The following SSR2 variants were observed in gnomAD, a reference collection of about 807,000 sequenced individuals.
SSR2 encodes the protein translocon-associated protein subunit beta.
A neutral mutation model predicts 22.6 loss-of-function variants in SSR2; 16 were observed. That is an observed-to-expected ratio of 0.71 (90% confidence interval 0.48 to 1.08). The LOEUF (loss-of-function observed/expected upper bound fraction) is 1.08. Among genes scored for constraint, SSR2 ranks in the 50% least tolerant of loss-of-function variants. SSR2 has a pLI of 0.00. For synonymous variants in SSR2, 83 were observed against 91.2 expected (o/e 0.91, Z 0.51); for missense variants, 171 against 221.6 (o/e 0.77, Z 1.45).
intron 1 of SSR2, 66 bp downstream of exon 1, chr1:156,020,822 C>T (rs1315278335): frequency 2.2e-6 from 1 of 456,740 alleles, no homozygotes; most frequent in Non-Finnish European, 4.6e-6. Context: ...CCCCCAGCCA[C>T]GGGGTGATGC....
intron 4 of SSR2, chr1:156,012,430 C>T: frequency 2.3e-6 from 1 of 427,210 alleles, no homozygotes; most frequent in Non-Finnish European, 4.7e-6. Flanking sequence ...GTCCACATTC[C>T]TTTGTCTTGG....
intron 1 of SSR2, 153 bp from the exon 2 acceptor site, chr1:156,020,320 T>A: frequency 1.5e-6 from 1 of 681,352 alleles, no homozygotes; most frequent in Non-Finnish European, 2.4e-6. Context: ...GCAGACCCGT[T>A]CTCCAGACTC....
intron 4 of SSR2, chr1:156,013,908 G>A (rs1175662709): frequency 6.6e-6 from 1 of 152,296 alleles, no homozygotes; most frequent in African/African-American, 2.4e-5. Flanking sequence ...GAAGGCAGAA[G>A]GAATGAAGAG....
intron 2 of SSR2, 85 bp downstream of exon 2, chr1:156,019,928 T>C (rs1054404632): frequency 6.8e-7 from 1 of 1,470,758 alleles, no homozygotes; most frequent in Non-Finnish European, 9.2e-7. Context: ...GAGAAACCAC[T>C]ACCCACCAAT....
intron 4 of SSR2, 66 bp downstream of exon 4, chr1:156,014,895 C>G: frequency 7.6e-7 from 1 of 1,313,756 alleles, no homozygotes; most frequent in Non-Finnish European, 1.1e-6. Context: ...CTCTTACCCC[C>G]ACCACAAGAG....
At chr1:156,015,505 C>CAAAAAAAAAAA (rs1169214264) in intron 3 of SSR2, among the ~76,000 whole-genome samples, 2 of 41,032 alleles carry the variant, frequency 4.9e-5, no homozygotes, top group Admixed American at 5.0e-4. Context: ...GACTCCGCCT[C>CAAAAAAAAAAA]AAAAAAAAAA....
chr1:156,018,406 T>G (rs755173327), intron 2 of SSR2, 38 bp from the exon 3 acceptor site: 2 of 1,561,466 alleles, frequency 1.3e-6, no homozygotes, highest in South Asian at 2.2e-5. Context: ...TAGTAAGTAA[T>G]GGATATAAAA....
rs554525786 is a variant in SSR2 at position 156,009,224 on chromosome 1, G to T, written c.*316C>A. On this transcript the variant is annotated 3_prime_UTR_variant, in exon 6 of 6. Coordinates refer to ENST00000295702, the MANE Select transcript of SSR2 (RefSeq NM_003145.4). ...GGCAGTCTCCAAAATGCCCCTCCTA[G>T]ACCCCTGAGAGAATTCACGTTGCCA... is the stretch of plus-strand genomic sequence containing the variant. 1.1e-5 allele frequency: 3 copies of T among 281,754 alleles called. No individual in the cohort carries two copies. The South Asian group carries it at 1.2e-4, about 11-fold the overall frequency. The allele number at this position is 281,754 out of a possible 1,614,324, so 17.5% of individuals were successfully genotyped here. A position where few individuals can be genotyped will look rare whatever the true frequency, so the allele number is the denominator to read the frequency against.
At chr1:156,020,291 T>C (rs762288878) in intron 1 of SSR2, 124 bp from the exon 2 acceptor site, 3 of 1,023,124 alleles carry the variant, frequency 2.9e-6, no homozygotes. Flanking sequence ...TTCCACAGAG[T>C]AGTCCATAAG....
In SSR2 at chr1:156,014,946, G is replaced by T; in HGVS notation, c.363+15C>A. 1 of 1,602,760 alleles carries T rather than the reference G, an allele frequency of 6.2e-7. No homozygotes were observed. The highest frequency in any genetic ancestry group is 8.5e-7 in the Non-Finnish European group (1 of 1,170,248). ...AGATCCAAATTCCATCCAGCTAAGG[G>T]TTTGGGCAACTCACCACAACGGGCC... On this transcript the variant is annotated intron_variant, in intron 4 of 5. Coordinates refer to ENST00000295702, the MANE Select transcript of SSR2 (RefSeq NM_003145.4).
At chr1:156,012,360 T>A in intron 4 of SSR2, 1 of 319,826 alleles carries the variant, frequency 3.1e-6, no homozygotes, top group African/African-American at 2.1e-5. Flanking sequence ...ATAGCAAAAA[T>A]ATATAATGAA....
chr1:156,009,394 G>A lies in SSR2; in HGVS notation c.*146C>T. The A allele has an allele frequency of 1.5e-6, 1 of 688,994 alleles. No individual in the cohort carries two copies. The highest frequency in any genetic ancestry group is 2.6e-6 in the Non-Finnish European group (1 of 389,068). 42.7% of individuals were successfully genotyped at this position (688,994 alleles called of 1,614,324 possible). On this transcript the variant is annotated 3_prime_UTR_variant, in exon 6 of 6. Coordinates refer to ENST00000295702, the MANE Select transcript of SSR2 (RefSeq NM_003145.4). ...AGGGCTGGTCCTTCACTATGGCTGA[G>A]AGCAGGGCAGGATCCAGGAGAAAGT...
chr1:156,012,949 A>T (rs917305841), intron 4 of SSR2: 1 of 142,996 alleles, frequency 7.0e-6, no homozygotes. Context: ...TCTATCATAT[A>T]TGGGAAAAAG....
intron 1 of SSR2, chr1:156,020,650 G>A (rs1335557654): frequency 1.3e-5 from 4 of 313,438 alleles, no homozygotes; most frequent in Non-Finnish European, 2.4e-5. Context: ...CTCCAGTCCA[G>A]CCCCTGAGAT....
intron 5 of SSR2, 164 bp downstream of exon 5, chr1:156,011,646 C>T (rs1682980030): frequency 1.9e-6 from 1 of 537,424 alleles, no homozygotes; most frequent in Non-Finnish European, 3.3e-6. Context: ...AATCTCTGGA[C>T]ATGGCTAAAT....
chr1:156,018,268 A>C lies in SSR2; in HGVS notation c.254+2T>G, dbSNP rs766471043. 1 of 1,612,956 alleles carries C rather than the reference A, an allele frequency of 6.2e-7. No individual in the cohort carries two copies. The highest frequency in any genetic ancestry group is 8.5e-7 in the Non-Finnish European group (1 of 1,179,034). ...CTTCATCACCAAGTGCCAAGAGGAT[A>C]CGGGGCAATCCGGTCCCATTTGACA... On this transcript the variant is annotated splice_donor_variant, in intron 3 of 5. Transcript: ENST00000295702. LOFTEE classifies it high-confidence loss of function.
intron 2 of SSR2, chr1:156,019,341 G>A: frequency 2.9e-6 from 1 of 339,954 alleles, no homozygotes; most frequent in Non-Finnish European, 6.1e-6. Context: ...TAAAATGAAA[G>A]AAAGGCAACA....
chr1:156,016,917 T>C (rs1285319915), intron 3 of SSR2, among the ~76,000 whole-genome samples: 7 of 152,164 alleles, frequency 4.6e-5, no homozygotes, highest in African/African-American at 1.7e-4. Context: ...CATTATAAGT[T>C]CCCTGAGGCA....
chr1:156,016,156 A>T (rs1683051833), intron 3 of SSR2, among the ~76,000 whole-genome samples: 1 of 152,210 alleles, frequency 6.6e-6, no homozygotes. Flanking sequence ...CCATCTCAAA[A>T]AAAAAATTAC....
Sources: gnomAD v4.1 joint callset for allele counts (sites outside exome capture counted in the v4.1 genomes callset) on GRCh38, gnomAD v4.1.1 for gene constraint, MANE v1.5 for transcripts, NCBI Gene and HGNC (gene_info 2026-07-23, HGNC 2026-07-21) for gene names.